Variants in RABGAP1 observed in about 807,000 individuals in gnomAD.
The protein encoded by RABGAP1 is rab GTPase-activating protein 1.
A neutral mutation model predicts 137.6 loss-of-function variants in RABGAP1; 23 were observed. The observed-to-expected ratio is 0.17, with a 90% CI of 0.12 to 0.24. The LOEUF is 0.24. Ranked by LOEUF, RABGAP1 falls within the 10% of genes least tolerant of loss-of-function variation. RABGAP1 has a pLI of 1.00. For missense variants in RABGAP1, 906 were observed against 1,275.8 expected (o/e 0.71, Z 4.42); for synonymous variants, 451 against 450.7 (o/e 1.00, Z -0.01).
At chr9:123,051,224 T>G (rs1304194453) in intron 13 of RABGAP1, among the ~76,000 whole-genome samples, 10 of 23,990 alleles carry the variant, frequency 4.2e-4, no homozygotes, top group African/African-American at 1.0e-3. Flanking sequence ...TGGTTTTTTT[T>G]TTTTTTTTTT....
chr9:123,015,011 A>G (rs993872951), intron 11 of RABGAP1, among the ~76,000 whole-genome samples: 1 of 152,134 alleles, frequency 6.6e-6, no homozygotes, highest in African/African-American at 2.4e-5. Context: ...GACACGTGGG[A>G]TTATGGGAAC....
intron 6 of RABGAP1, 194 bp downstream of exon 6, chr9:122,990,407 A>T: frequency 2.4e-6 from 1 of 415,988 alleles, no homozygotes. Context: ...CAATTAAAAA[A>T]ATTGTCATAT....
rs551035524 is a variant in RABGAP1, at chr9:122,966,694, A to T, written c.150+9485A>T. ...AAACTGAGAAGAAAGAACTCTTGAG[A>T]TATAAGAAAACCCGGGTGTATTACT... On this transcript the variant is annotated intron_variant, in intron 2 of 25. Transcript: ENST00000373647. Among the ~76,000 whole-genome samples the T allele has an allele frequency of 3.9e-5, 6 of 152,264 alleles. No homozygotes were observed. In the South Asian group the frequency reaches 1.2e-3, roughly 32 times the overall value.
At chr9:122,948,895 C>A (rs969568831) in intron 1 of RABGAP1, among the ~76,000 whole-genome samples, 1 of 152,118 alleles carries the variant, frequency 6.6e-6, no homozygotes, top group African/African-American at 2.4e-5. Context: ...TATATTCAAC[C>A]AACCAAATTT....
intron 18 of RABGAP1, 27 bp from the exon 19 acceptor site, chr9:123,076,607 T>C: frequency 6.3e-7 from 1 of 1,575,762 alleles, no homozygotes; most frequent in African/African-American, 1.4e-5. Flanking sequence ...ACACATTTTT[T>C]CTATATGTGT....
intron 1 of RABGAP1, among the ~76,000 whole-genome samples, chr9:122,950,382 T>TC (rs1366651160): frequency 5.0e-5 from 7 of 139,924 alleles, no homozygotes; most frequent in Admixed American, 7.0e-5. Flanking sequence ...TCTTTCTTTT[T>TC]TTTTTTTTTT....
intron 4 of RABGAP1, among the ~76,000 whole-genome samples, chr9:122,987,230 G>A (rs932299488): frequency 1.3e-5 from 2 of 152,154 alleles, no homozygotes; most frequent in African/African-American, 2.4e-5. Flanking sequence ...ATTGCAGATA[G>A]CTAATCAGAT....
intron 1 of RABGAP1, among the ~76,000 whole-genome samples, chr9:122,950,377 CTTT>C (rs200424486): frequency 2.3e-4 from 17 of 74,490 alleles, no homozygotes; most frequent in South Asian, 6.3e-4. Context: ...CTTTTTCTTT[CTTT>C]TTTTTTTTTT....
At position 123,101,634 on chromosome 9, in the gene RABGAP1, C is replaced by T; in HGVS notation, c.2958C>T (p.Ser986=). The stretch of plus-strand genomic sequence containing the variant: ...AAGAAGGGCGTGTAAAAGGCATAAG[C>T]TCAACCAAGGAGGTTTTAGATGAGG... ...FNKEGRVKGI[S]STKEVLDEDT... The change falls in exon 25 of 26, where the codon AGC becomes AGT. Residue 986 remains serine (S), a synonymous_variant. Transcript: ENST00000373647. The T allele has an allele frequency of 6.2e-7, 1 of 1,614,110 alleles. No homozygotes were observed. Among genetic ancestry groups the T allele is most frequent in the Non-Finnish European group, 8.5e-7 (1 of 1,180,024 alleles).
At chr9:122,994,933 A>G (rs750115819) in intron 6 of RABGAP1, among the ~76,000 whole-genome samples, 3 of 152,130 alleles carry the variant, frequency 2.0e-5, no homozygotes, top group Non-Finnish European at 4.4e-5. Flanking sequence ...CCTGGGCAAC[A>G]TAGCAAGATC....
chr9:122,939,192 G>A (rs1254406210), upstream of RABGAP1: 1 of 151,416 alleles, frequency 6.6e-6, no homozygotes, highest in South Asian at 2.1e-4. Flanking sequence ...TAGGTGAGAA[G>A]AAAATGTACT....
intron 13 of RABGAP1, chr9:123,034,480 C>A: frequency 1.2e-6 from 1 of 806,910 alleles, no homozygotes; most frequent in Non-Finnish European, 2.0e-6. Context: ...ACATGCAAAG[C>A]TGACCGCAAT....
chr9:122,994,307 ATTG>A (rs1321619733), intron 6 of RABGAP1, among the ~76,000 whole-genome samples: 4 of 152,160 alleles, frequency 2.6e-5, no homozygotes, highest in Admixed American at 6.5e-5. Flanking sequence ...CTTTCTGTCT[ATTG>A]TTGTTGTTTT....
intron 13 of RABGAP1, among the ~76,000 whole-genome samples, chr9:123,064,786 A>G (rs1337555464): frequency 6.6e-6 from 1 of 152,234 alleles, no homozygotes; most frequent in Non-Finnish European, 1.5e-5. Context: ...GGAAAAAGCA[A>G]AGGATATTTT....
At chr9:123,025,538 C>CT (rs1452946198) in intron 13 of RABGAP1, among the ~76,000 whole-genome samples, 1 of 24,964 alleles carries the variant, frequency 4.0e-5, no homozygotes, top group African/African-American at 9.0e-5. Context: ...TCAGATCTTT[C>CT]TTTTCTTTTT....
In RABGAP1 at chr9:123,097,779, G is replaced by A. The variant is rs1182046146; in HGVS notation, c.2667G>A (p.Leu889=). ...EKADALNKEL[L]MTKQKLIDAE... is the part of the protein sequence containing the mutation. ...CAGATGCTCTGAATAAGGAGCTGCT[G>A]ATGACCAAACAGAAGTTGATTGATG... The change falls in exon 22 of 26, where the codon CTG becomes CTA. Residue 889 remains leucine, a synonymous_variant. Coordinates refer to ENST00000373647, the MANE Select transcript of RABGAP1 (RefSeq NM_012197.4). 39 of 1,613,856 alleles carry A rather than the reference G, an allele frequency of 2.4e-5. No homozygotes were observed. The highest frequency in any genetic ancestry group is 3.3e-5 in the Non-Finnish European group (39 of 1,179,956).
Position 123,002,370 on chromosome 9 carries a change from T to TA in RABGAP1, c.1374+3604_1374+3605insA, listed in dbSNP as rs34411966. On this transcript the variant is annotated intron_variant, in intron 10 of 25. Transcript: ENST00000373647. ...ATATATTTTTATTATATATATATAT[T>TA]TTTTTTTTACTTACTGGCCTGAGAA... is the stretch of plus-strand genomic sequence containing the variant. Among the ~76,000 whole-genome samples the TA allele has an allele frequency of 5.8e-3, 292 of 50,094 alleles. No individual in the cohort carries two copies. In the East Asian group the frequency reaches 0.059, roughly 10 times the overall value. The allele number at this position is 50,094 out of a possible 152,430, so 32.9% of individuals were successfully genotyped here.
At chr9:122,946,051 AACTG>A (rs1251626510) in intron 1 of RABGAP1, 4 of 152,320 alleles carry the variant, frequency 2.6e-5, no homozygotes, top group East Asian at 3.9e-4. Context: ...TTTGTTCTGT[AACTG>A]ACTGAACAAT....
intron 2 of RABGAP1, among the ~76,000 whole-genome samples, chr9:122,976,045 T>C (rs527698397): frequency 1.6e-4 from 25 of 152,304 alleles, no homozygotes; most frequent in African/African-American, 5.1e-4. Flanking sequence ...GGGGTGCCTC[T>C]TGGAGTTGTG....
Sources: gnomAD v4.1 joint callset for allele counts (sites outside exome capture counted in the v4.1 genomes callset) on GRCh38, gnomAD v4.1.1 for gene constraint, MANE v1.5 for transcripts, NCBI Gene and HGNC (gene_info 2026-07-23, HGNC 2026-07-21) for gene names.